Variants in KCNK16 observed in about 807,000 individuals in gnomAD.
KCNK16 encodes potassium two pore domain channel subfamily K member 16.
In KCNK16, 23 loss-of-function variants were observed where a neutral mutation model predicts 23.0. The observed-to-expected ratio is 1.00, with a 90% CI of 0.72 to 1.41. The LOEUF is 1.41. Among genes scored for constraint, KCNK16 ranks in the 40% most tolerant of loss-of-function variants. The pLI is 0.00. For synonymous variants in KCNK16, 145 were observed against 153.5 expected (o/e 0.94, Z 0.41); for missense variants, 327 against 365.8 (o/e 0.89, Z 0.87).
chr6:39,317,743 C>T (rs1762373072), intron 3 of KCNK16, 43 bp downstream of exon 3: 2 of 1,500,116 alleles, frequency 1.3e-6, no homozygotes, highest in African/African-American at 1.4e-5. Context: ...CCACTTGCAA[C>T]AGATCTGTCA....
Position 39,316,339 on chromosome 6 carries a change from G to A in KCNK16, c.765C>T (p.Pro255=). 1 of 1,611,998 alleles carries A rather than the reference G, an allele frequency of 6.2e-7. No individual in the cohort carries two copies. The highest frequency in any genetic ancestry group is 8.5e-7 in the Non-Finnish European group (1 of 1,179,370). The change falls in exon 5 of 5, where the codon CCC becomes CCT. Residue 255 remains proline, a synonymous_variant. Coordinates refer to ENST00000437525, the MANE Select transcript of KCNK16 (RefSeq NM_001135106.2). The part of the protein sequence containing the change: ...AWLALILPLG[P]LLLHRCCQLW... Reference sequence around the variant, plus strand: ...GCTGGCAGCATCTGTGCAGAAGCAGGGGGCCCAGTGGGAGGATCAGCGCCA... The same window carrying A: ...GCTGGCAGCATCTGTGCAGAAGCAGAGGGCCCAGTGGGAGGATCAGCGCCA...
At chr6:39,318,532 CAT>C (rs1279303489) in intron 2 of KCNK16, among the ~76,000 whole-genome samples, 4 of 152,172 alleles carry the variant, frequency 2.6e-5, no homozygotes. Context: ...CCTCAGAACA[CAT>C]GAGATACCAC....
At chr6:39,322,935 C>T (rs373070725), upstream of KCNK16, 104 of 183,274 alleles carry the variant, frequency 5.7e-4, no homozygotes, top group Non-Finnish European at 9.7e-4. Flanking sequence ...TGGGCTCTCT[C>T]GGCCGCCCCC....
At chr6:39,315,253 G>A (rs1464504651), downstream of KCNK16, 1 of 1,605,364 alleles carries the variant, frequency 6.2e-7, no homozygotes, top group Non-Finnish European at 8.5e-7. Flanking sequence ...GGATGTTGCA[G>A]TCTGGCAGGG....
downstream of KCNK16, chr6:39,315,415 GAAGTT>G (rs1175145404): frequency 1.3e-6 from 2 of 1,550,740 alleles, no homozygotes; most frequent in East Asian, 2.4e-5. Context: ...AGGGAGTGAT[GAAGTT>G]AAGGGGGTGG....
upstream of KCNK16, chr6:39,322,764 C>T (rs28520677): frequency 0.034 from 20,336 of 601,446 alleles, 531 homozygotes; most frequent in African/African-American, 0.081. Context: ...CACCCCCACC[C>T]GGCCTTTGTT....
At chr6:39,316,555 G>A (rs1004794426) in intron 4 of KCNK16, 113 bp from the exon 5 acceptor site, 7 of 1,357,940 alleles carry the variant, frequency 5.2e-6, no homozygotes, top group Non-Finnish European at 7.0e-6. Flanking sequence ...TCATAACAAG[G>A]AACAGCAGTT....
Position 39,316,220 on chromosome 6 carries a change from C to T in KCNK16, c.884G>A (p.Ter295=), listed in dbSNP as rs1229334878. 2 of 1,532,542 alleles carry T rather than the reference C, an allele frequency of 1.3e-6. No homozygotes were observed. Among genetic ancestry groups the T allele is most frequent in the South Asian group, 1.2e-5 (1 of 81,728 alleles). 94.9% of individuals were successfully genotyped at this position (1,532,542 alleles called of 1,614,324 possible). ...PRPQKIPISA[*] The stretch of plus-strand genomic sequence containing the variant: ...GTTTCTGGGCCCCCCCCGGGGGCCT[C>T]ATGCAGAGATGGGGATCTTCTGAGG... The change falls in exon 5 of 5, where the codon TGA becomes TAA. Residue 295 remains the stop codon, a stop_retained_variant. Coordinates refer to ENST00000437525, the MANE Select transcript of KCNK16 (RefSeq NM_001135106.2).
chr6:39,314,607 T>G (rs1583777697), downstream of KCNK16: 1 of 433,598 alleles, frequency 2.3e-6, no homozygotes, highest in East Asian at 3.5e-5. Context: ...AGCTGCTGGG[T>G]GACCGCAGGC....
Position 39,316,214 on chromosome 6 carries a change from G to A in KCNK16, c.*5C>T. The A allele has an allele frequency of 1.3e-6, 2 of 1,517,012 alleles. No individual in the cohort carries two copies. The highest frequency in any genetic ancestry group is 8.8e-7 in the Non-Finnish European group (1 of 1,132,854). 94.0% of individuals were successfully genotyped at this position (1,517,012 alleles called of 1,614,324 possible). ...AAAGGGGTTTCTGGGCCCCCCCCGG[G>A]GGCCTCATGCAGAGATGGGGATCTT... On this transcript the variant is annotated 3_prime_UTR_variant, in exon 5 of 5. Transcript: ENST00000437525.
chr6:39,314,865 C>G, downstream of KCNK16: 1 of 872,492 alleles, frequency 1.1e-6, no homozygotes, highest in Non-Finnish European at 1.8e-6. Flanking sequence ...AGCTGATTGC[C>G]ACTTGTCCAT....
intron 4 of KCNK16, 146 bp from the exon 5 acceptor site, chr6:39,316,588 T>C: frequency 8.2e-7 from 1 of 1,218,506 alleles, no homozygotes; most frequent in Non-Finnish European, 1.2e-6. Context: ...TGCAGGGTGG[T>C]GATGGGTCCT....
In KCNK16 at chr6:39,319,209, CA is replaced by C; in HGVS notation, c.214-77del. ...GCACCAGTTGTTGCCATGCTTTTGGCAGCATGCTTTTGTGTCATCTCATCTA... is the reference window on the plus strand; with the variant it reads ...GCACCAGTTGTTGCCATGCTTTTGGCGCATGCTTTTGTGTCATCTCATCTA... On this transcript the variant is annotated intron_variant, in intron 1 of 4. Coordinates refer to ENST00000437525, the MANE Select transcript of KCNK16 (RefSeq NM_001135106.2). This position sits in a 1 kb window ranked among gnomAD's most constrained non-coding sequence, Gnocchi z 4.2. 1 of 831,224 alleles carries C rather than the reference CA, an allele frequency of 1.2e-6. No homozygotes were observed. The highest frequency in any genetic ancestry group is 2.1e-6 in the Non-Finnish European group (1 of 477,032). 51.5% of individuals were successfully genotyped at this position (831,224 alleles called of 1,614,324 possible). A position where few individuals can be genotyped will look rare whatever the true frequency, so the allele number is the denominator to read the frequency against.
chr6:39,321,551 CCA>C lies in KCNK16; in HGVS notation c.213+775_213+776del, dbSNP rs548082599. ...GCACATTGTGAATGCTCAGTAAATGCCAGTTATCAAGGTGATTTGGCACTTGG... is the reference window on the plus strand; with the variant it reads ...GCACATTGTGAATGCTCAGTAAATGCGTTATCAAGGTGATTTGGCACTTGG... On this transcript the variant is annotated intron_variant, in intron 1 of 4. Coordinates refer to ENST00000437525, the MANE Select transcript of KCNK16 (RefSeq NM_001135106.2). Among the ~76,000 whole-genome samples, 21 of 152,356 alleles carry C rather than the reference CCA, an allele frequency of 1.4e-4. 1 individual carries two copies. The East Asian group carries it at 3.9e-3, about 28-fold the overall frequency.
rs1562090848 is a variant in KCNK16 at position 39,319,469 on chromosome 6, T to G, written c.214-336A>C. ...GGAGGGGTCCCGTGGGAGATGCTGC[T>G]GGTGGCCAAAAGGATGGCACCCACA... On this transcript the variant is annotated intron_variant, in intron 1 of 4. Transcript: ENST00000437525. This position sits in a 1 kb window ranked among gnomAD's most constrained non-coding sequence, Gnocchi z 4.2. Among the ~76,000 whole-genome samples, 1 of 152,092 alleles carries G rather than the reference T, an allele frequency of 6.6e-6. No individual in the cohort carries two copies. Among genetic ancestry groups the G allele is most frequent in the Non-Finnish European group, 1.5e-5 (1 of 68,014 alleles).
downstream of KCNK16, chr6:39,315,508 G>A: frequency 7.4e-7 from 1 of 1,342,546 alleles, no homozygotes; most frequent in South Asian, 1.5e-5. Flanking sequence ...TTCACAGACA[G>A]CCCTGGACTT....
At chr6:39,315,160 C>T (rs1467720556), downstream of KCNK16, 6 of 1,614,100 alleles carry the variant, frequency 3.7e-6, no homozygotes, top group Non-Finnish European at 4.2e-6. Flanking sequence ...ACATAGGAGC[C>T]CACTTGCTGT....
In KCNK16 at chr6:39,319,127, T is replaced by C; in HGVS notation, c.220A>G (p.Met74Val). The change falls in exon 2 of 5, where the codon ATG becomes GTG. Residue 74 changes from methionine to valine, a missense_variant. Met to Val is a conservative substitution (Grantham distance 21, BLOSUM62 1). Coordinates refer to ENST00000437525, the MANE Select transcript of KCNK16 (RefSeq NM_001135106.2). The surrounding 1 kb of genome is among the most constrained non-coding windows in gnomAD (Gnocchi z 4.2). ...TTCACACCTTTCACCCAGGCTTCCA[T>C]GATGACCTGTAGGGGGTGGCATGGC... ...WAMEQFVQVI[M>V]EAWVKGVNPK... is the part of the protein sequence containing the mutation. The C allele has an allele frequency of 3.1e-6, 5 of 1,609,042 alleles. No individual in the cohort carries two copies. The highest frequency in any genetic ancestry group is 4.3e-6 in the Non-Finnish European group (5 of 1,175,582).
rs1263487793 is a variant in KCNK16, at chr6:39,319,035, T to C, written c.312A>G (p.Thr104=). The part of the protein sequence containing the change: ...DFGSSFFFAG[T]VVTTIGYGNL... ...GCCCTTTACCTATGGTAGTGACGAC[T>C]GTGCCTGCAAAGAAGAAACTGCTGC... is the stretch of plus-strand genomic sequence containing the variant. The change falls in exon 2 of 5, where the codon ACA becomes ACG. Residue 104 remains threonine (T), a synonymous_variant. Transcript: ENST00000437525. This position sits in a 1 kb window ranked among gnomAD's most constrained non-coding sequence, Gnocchi z 4.2. 6.2e-7 allele frequency: 1 copy of C among 1,613,482 alleles called. No individual in the cohort carries two copies. Among genetic ancestry groups the C allele is most frequent in the Non-Finnish European group, 8.5e-7 (1 of 1,179,496 alleles).
Sources: allele counts gnomAD v4.1 joint callset (sites outside exome capture counted in the v4.1 genomes callset), GRCh38; gene constraint gnomAD v4.1.1; non-coding constraint Gnocchi (gnomAD v3.1); transcripts MANE v1.5; gene names NCBI Gene and HGNC (gene_info 2026-07-23, HGNC 2026-07-21).